BTBD8: variants seen among roughly 807,000 people sequenced by gnomAD.
BTBD8 encodes BTB domain containing 8.
A neutral mutation model predicts 162.9 loss-of-function variants in BTBD8; 110 were observed. That is an observed-to-expected ratio of 0.68 (90% CI 0.58 to 0.79). The LOEUF (loss-of-function observed/expected upper bound fraction) is 0.79. Ranked by LOEUF, BTBD8 falls within the 30% of genes least tolerant of loss-of-function variation. The pLI is 0.00. For missense variants in BTBD8, 1,905 were observed against 2,085.4 expected (o/e 0.91, Z 1.68); for synonymous variants, 667 against 716.1 (o/e 0.93, Z 1.10).
intron 7 of BTBD8, among the ~76,000 whole-genome samples, chr1:92,142,494 T>C (rs1649801802): frequency 6.6e-6 from 1 of 152,156 alleles, no homozygotes; most frequent in Admixed American, 6.5e-5. Flanking sequence ...AGTGAGAATA[T>C]ACTTGAGTGA....
At chr1:92,139,631 A>G (rs1570740456) in intron 6 of BTBD8, 1 of 1,101,966 alleles carries the variant, frequency 9.1e-7, no homozygotes, top group Non-Finnish European at 1.1e-6. Context: ...ACTCACAGTA[A>G]TAAGATTGAG....
Position 92,184,700 on chromosome 1 carries a change from A to G in BTBD8, c.*370A>G, listed in dbSNP as rs137892105. On this transcript the variant is annotated 3_prime_UTR_variant, in exon 18 of 18. Transcript: ENST00000636805. ...TAGGGTAACATAGTAATTTAACAAT[A>G]AAAACTTACCGTGCTTGTGTCCATT... 3.7e-3 allele frequency: 592 copies of G among 158,058 alleles called. 1 individual carries two copies. Among genetic ancestry groups the G allele is most frequent in the Non-Finnish European group, 6.1e-3 (435 of 71,748 alleles). 9.8% of individuals were successfully genotyped at this position (158,058 alleles called of 1,614,324 possible).
intron 5 of BTBD8, among the ~76,000 whole-genome samples, chr1:92,133,790 GA>G (rs1238084261): frequency 6.6e-6 from 1 of 152,046 alleles, no homozygotes; most frequent in Non-Finnish European, 1.5e-5. Context: ...CTAACACGGT[GA>G]AACCCCATCT....
chr1:92,131,998 C>T (rs1649528143), intron 5 of BTBD8, among the ~76,000 whole-genome samples: 1 of 152,192 alleles, frequency 6.6e-6, no homozygotes, highest in Admixed American at 6.5e-5. Flanking sequence ...ATGTTAGCCA[C>T]CGGACCCAGC....
chr1:92,153,968 G>T (rs537398690), intron 9 of BTBD8, among the ~76,000 whole-genome samples: 3 of 152,154 alleles, frequency 2.0e-5, no homozygotes, highest in Non-Finnish European at 2.9e-5. Flanking sequence ...GGTCATGGGG[G>T]CAGATCCCTT....
Position 92,102,809 on chromosome 1 carries a change from G to A in BTBD8, c.544+140G>A, listed in dbSNP as rs1648626611. The A allele has an allele frequency of 1.1e-5, 8 of 698,760 alleles. No homozygotes were observed. In the East Asian group the frequency reaches 2.7e-4, roughly 23 times the overall value. 43.3% of individuals were successfully genotyped at this position (698,760 alleles called of 1,614,324 possible). ...ATGGAGAACTGAAAACACTAGTATT[G>A]TTAACTCCCAGTTTTTCCCAAGTAA... On this transcript the variant is annotated intron_variant, in intron 3 of 17. Transcript: ENST00000636805.
At chr1:92,150,356 A>G (rs1650017489) in intron 9 of BTBD8, among the ~76,000 whole-genome samples, 3 of 152,192 alleles carry the variant, frequency 2.0e-5, no homozygotes. Flanking sequence ...TTTTTGGTGA[A>G]TCTGTGAGTG....
At position 92,147,122 on chromosome 1, in the gene BTBD8, TA is replaced by T. The variant is rs1384784657; in HGVS notation, c.931-57del. Reference sequence around the variant, plus strand: ...AATTGGATTATCTTTATGAACCAAATATTTTTAGGCTTTGTAAATTGAAAAG... The same window carrying T: ...AATTGGATTATCTTTATGAACCAAATTTTTTAGGCTTTGTAAATTGAAAAG... On this transcript the variant is annotated intron_variant, in intron 7 of 17. Coordinates refer to ENST00000636805, the MANE Select transcript of BTBD8 (RefSeq NM_001376131.1). 3 of 1,340,290 alleles carry T rather than the reference TA, an allele frequency of 2.2e-6. No homozygotes were observed. The African/African-American group carries it at 4.5e-5, about 20-fold the overall frequency. The allele number at this position is 1,340,290 out of a possible 1,614,324, so 83.0% of individuals were successfully genotyped here.
rs1259071961 is a variant in BTBD8, at chr1:92,121,816, A to G, written c.663-7871A>G. ...TACCTCTTTGGTTAGTTTTCTGTTT[A>G]TATCTTTTGCCCATTTATTTTTTTA... On this transcript the variant is annotated intron_variant, in intron 4 of 17. Coordinates refer to ENST00000636805, the MANE Select transcript of BTBD8 (RefSeq NM_001376131.1). 2.6e-5 allele frequency among the ~76,000 whole-genome samples: 4 copies of G among 151,574 alleles called. No individual in the cohort carries two copies. The East Asian group carries it at 7.8e-4, about 29-fold the overall frequency.
At chr1:92,129,556 C>A in intron 4 of BTBD8, 131 bp from the exon 5 acceptor site, 2 of 725,364 alleles carry the variant, frequency 2.8e-6, no homozygotes, top group Non-Finnish European at 4.7e-6. Context: ...TGTAGTAATC[C>A]TGCCTATGAA....
chr1:92,136,943 A>G (rs111446607), intron 5 of BTBD8, among the ~76,000 whole-genome samples: 1,909 of 152,282 alleles, frequency 0.013, 44 homozygotes, highest in African/African-American at 0.042. Flanking sequence ...AACATTCAGT[A>G]ATTTTTTTTC....
chr1:92,116,746 T>A (rs550688367), intron 4 of BTBD8, among the ~76,000 whole-genome samples: 2 of 152,164 alleles, frequency 1.3e-5, no homozygotes, highest in South Asian at 4.1e-4. Flanking sequence ...CAAATAGTTA[T>A]GTCTTGCTTT....
intron 1 of BTBD8, among the ~76,000 whole-genome samples, chr1:92,086,939 T>A (rs1177973892): frequency 1.3e-5 from 2 of 152,164 alleles, no homozygotes; most frequent in Admixed American, 6.5e-5. Flanking sequence ...ACAAATGGAC[T>A]AAGATAGGTG....
At chr1:92,161,766 T>G (rs1301475368) in intron 9 of BTBD8, among the ~76,000 whole-genome samples, 6 of 152,204 alleles carry the variant, frequency 3.9e-5, no homozygotes, top group Non-Finnish European at 2.9e-5. Context: ...AGGTCATAAA[T>G]TAGCACAACT....
At position 92,181,861 on chromosome 1, in the gene BTBD8, A is replaced by T; in HGVS notation, c.4178A>T (p.Glu1393Val). ...ACAGAAGATGAAAGATCTGAAGCTG[A>T]AAACGTTGCAGAAAATTTCTCTATA... ...DETEDERSEA[E>V]NVAENFSISN... Residue 1393 changes from glutamate to valine, a missense_variant, in exon 17 of 18, where the codon GAA becomes GTA. Physicochemically the swap from Glu to Val is moderately radical, Grantham distance 121. Coordinates refer to ENST00000636805, the MANE Select transcript of BTBD8 (RefSeq NM_001376131.1). 1 of 1,551,034 alleles carries T rather than the reference A, an allele frequency of 6.4e-7. No homozygotes were observed. Among genetic ancestry groups the T allele is most frequent in the Non-Finnish European group, 8.7e-7 (1 of 1,146,892 alleles).
chr1:92,144,515 AGTATACTT>A (rs1164610505), intron 7 of BTBD8, among the ~76,000 whole-genome samples: 1 of 151,418 alleles, frequency 6.6e-6, no homozygotes, highest in African/African-American at 2.4e-5. Flanking sequence ...ACCAATTAAA[AGTATACTT>A]TAGGCCTGGT....
In BTBD8 at chr1:92,184,361, T is replaced by C. The variant is rs138947889; in HGVS notation, c.*31T>C. On this transcript the variant is annotated 3_prime_UTR_variant, in exon 18 of 18. Coordinates refer to ENST00000636805, the MANE Select transcript of BTBD8 (RefSeq NM_001376131.1). Reference sequence around the variant, plus strand: ...AACATTTTGGAAAAATTTATGCCACTCCTTTATTTTTTGATGCCTATATTA... The same window carrying C: ...AACATTTTGGAAAAATTTATGCCACCCCTTTATTTTTTGATGCCTATATTA... 484 of 1,403,228 alleles carry C rather than the reference T, an allele frequency of 3.4e-4. 3 individuals are homozygous for C. In the African/African-American group the frequency reaches 6.3e-3, roughly 18 times the overall value. 86.9% of individuals were successfully genotyped at this position (1,403,228 alleles called of 1,614,324 possible).
chr1:92,147,303 T>G lies in BTBD8; in HGVS notation c.1019+35T>G, dbSNP rs1211865137. 6 of 1,528,368 alleles carry G rather than the reference T, an allele frequency of 3.9e-6. No individual in the cohort carries two copies. In the East Asian group the frequency reaches 1.4e-4, roughly 35 times the overall value. 94.7% of individuals were successfully genotyped at this position (1,528,368 alleles called of 1,614,324 possible). ...GTTAAGTAGTGCTGATACTATTAAT[T>G]TAGGGATTTTGTTTTTCTGTTCTTC... is the stretch of plus-strand genomic sequence containing the variant. On this transcript the variant is annotated intron_variant, in intron 8 of 17. Transcript: ENST00000636805.
At chr1:92,133,124 A>T (rs1354292942) in intron 5 of BTBD8, among the ~76,000 whole-genome samples, 1 of 152,186 alleles carries the variant, frequency 6.6e-6, no homozygotes, top group Non-Finnish European at 1.5e-5. Flanking sequence ...CACAAAACAA[A>T]TTCCAGTTTC....
Sources: allele counts gnomAD v4.1 joint callset (sites outside exome capture counted in the v4.1 genomes callset), GRCh38; gene constraint gnomAD v4.1.1; transcripts MANE v1.5; gene names NCBI Gene and HGNC (gene_info 2026-07-23, HGNC 2026-07-21).